The following CRCP variants were observed in gnomAD, a reference collection of about 807,000 sequenced individuals.
The protein encoded by CRCP is DNA-directed RNA polymerase III subunit RPC9.
A neutral mutation model predicts 18.5 loss-of-function variants in CRCP; 18 were observed. The observed-to-expected ratio is 0.97, with a 90% confidence interval of 0.67 to 1.44. The LOEUF (loss-of-function observed/expected upper bound fraction) is 1.44. CRCP is among the 40% of genes most tolerant of loss of function. CRCP has a pLI of 0.00. For missense variants in CRCP, 130 were observed against 176.4 expected, an observed-to-expected ratio of 0.74 and a Z score of 1.49; for synonymous variants, 53 against 62.9, an observed-to-expected ratio of 0.84 and a Z score of 0.75.
At chr7:66,117,371 C>G (rs1388718154) in intron 1 of CRCP, among the ~76,000 whole-genome samples, 2 of 152,046 alleles carry the variant, frequency 1.3e-5, no homozygotes, top group Non-Finnish European at 2.9e-5. Flanking sequence ...GTCCTGGGAC[C>G]CTTTCTCTCC....
intron 5 of CRCP, among the ~76,000 whole-genome samples, chr7:66,151,673 CTGTGTGTGTGTGTGTGTGTGTG>C (rs1223890806): frequency 3.6e-5 from 5 of 138,522 alleles, no homozygotes; most frequent in Non-Finnish European, 6.1e-5. Context: ...CCACTTCTCT[CTGTGTGTGTGTGTGTGTGTGTG>C]TGTGTGTGTG....
At chr7:66,137,423 T>C (rs973913689) in intron 4 of CRCP, among the ~76,000 whole-genome samples, 2 of 152,244 alleles carry the variant, frequency 1.3e-5, no homozygotes, top group Admixed American at 1.3e-4. Flanking sequence ...TTCTTTCTCA[T>C]CTGTATGGCT....
chr7:66,142,115 G>A (rs1276474291), intron 4 of CRCP, among the ~76,000 whole-genome samples: 1 of 152,108 alleles, frequency 6.6e-6, no homozygotes, highest in Non-Finnish European at 1.5e-5. Flanking sequence ...TCTCAGACGG[G>A]AACTGAGAAA....
chr7:66,132,321 CTA>C (rs1356029636), intron 3 of CRCP, among the ~76,000 whole-genome samples: 1 of 152,224 alleles, frequency 6.6e-6, no homozygotes. Context: ...GTCATTCAAT[CTA>C]TATCCTTACT....
At chr7:66,126,237 T>A (rs1427154356) in intron 1 of CRCP, among the ~76,000 whole-genome samples, 1 of 149,236 alleles carries the variant, frequency 6.7e-6, no homozygotes, top group Non-Finnish European at 1.5e-5. Flanking sequence ...TGAACCACTG[T>A]TAGTTTTGCT....
intron 4 of CRCP, among the ~76,000 whole-genome samples, chr7:66,145,232 C>G (rs1490515230): frequency 6.6e-6 from 1 of 152,204 alleles, no homozygotes; most frequent in African/African-American, 2.4e-5. Flanking sequence ...TTCCTACAAT[C>G]ATGCCTCTGA....
chr7:66,141,939 G>C (rs1392125008), intron 4 of CRCP, among the ~76,000 whole-genome samples: 1 of 152,154 alleles, frequency 6.6e-6, no homozygotes, highest in East Asian at 1.9e-4. Flanking sequence ...GCAGTGCTCA[G>C]CTCCTTGGGT....
chr7:66,141,627 A>C (rs971858525), intron 4 of CRCP, among the ~76,000 whole-genome samples: 1 of 152,204 alleles, frequency 6.6e-6, no homozygotes, highest in African/African-American at 2.4e-5. Context: ...AGAAGGTGTC[A>C]TGGAAGCCCC....
intron 4 of CRCP, among the ~76,000 whole-genome samples, chr7:66,140,300 G>T (rs2115996416): frequency 6.6e-6 from 1 of 152,294 alleles, no homozygotes; most frequent in African/African-American, 2.4e-5. Context: ...ATGGTTCTCA[G>T]GTTTTGTTTC....
intron 1 of CRCP, among the ~76,000 whole-genome samples, chr7:66,123,849 G>A (rs1189152889): frequency 4.0e-5 from 6 of 150,018 alleles, no homozygotes; most frequent in African/African-American, 1.2e-4. Context: ...TCAGGAGATC[G>A]AGACCATCCT....
intron 3 of CRCP, among the ~76,000 whole-genome samples, chr7:66,133,541 C>CAAAAA (rs67165211): frequency 1.4e-5 from 1 of 71,806 alleles, no homozygotes; most frequent in Non-Finnish European, 3.1e-5. Flanking sequence ...GACTCCGTCT[C>CAAAAA]AAAAAAAAAA....
intron 2 of CRCP, among the ~76,000 whole-genome samples, chr7:66,129,489 G>A (rs453310): frequency 3.3e-5 from 5 of 151,918 alleles, no homozygotes; most frequent in Admixed American, 6.6e-5. Flanking sequence ...TTTTGAGACC[G>A]TGTCCCCAAA....
At chr7:66,145,408 A>G (rs1307261427) in intron 4 of CRCP, 35 bp from the exon 5 acceptor site, 1 of 1,610,784 alleles carries the variant, frequency 6.2e-7, no homozygotes, top group Admixed American at 1.7e-5. Flanking sequence ...ACTTAGGGCT[A>G]TGCGAGTTGT....
intron 1 of CRCP, 119 bp from the exon 2 acceptor site, chr7:66,127,585 T>A (rs1787653743): frequency 9.1e-7 from 1 of 1,100,626 alleles, no homozygotes; most frequent in Non-Finnish European, 1.4e-6. Flanking sequence ...CAATTTTAGG[T>A]TGTAGTCCCT....
chr7:66,151,685 G>A (rs1398029568), intron 5 of CRCP, among the ~76,000 whole-genome samples: 1 of 141,934 alleles, frequency 7.0e-6, no homozygotes, highest in African/African-American at 2.8e-5. Flanking sequence ...GTGTGTGTGT[G>A]TGTGTGTGTG....
rs1395682047 is a variant in CRCP at position 66,134,234 on chromosome 7, TC to T, written c.145-45del. 4.3e-6 allele frequency: 6 copies of T among 1,380,206 alleles called. No individual in the cohort carries two copies. The African/African-American group carries it at 7.4e-5, about 17-fold the overall frequency. 85.5% of individuals were successfully genotyped at this position (1,380,206 alleles called of 1,614,324 possible). A position where few individuals can be genotyped will look rare whatever the true frequency, so the allele number is the denominator to read the frequency against. ...GCCTTTGTTTTTTCTCATTCAGGGT[TC>T]TTTGTCTTATGCTTGGCTTTTTTCT... On this transcript the variant is annotated intron_variant, in intron 3 of 5. Transcript: ENST00000395326.
chr7:66,118,612 A>G (rs867277069), intron 1 of CRCP, among the ~76,000 whole-genome samples: 9 of 152,334 alleles, frequency 5.9e-5, no homozygotes, highest in Middle Eastern at 3.4e-3. Context: ...CAAAATTCAC[A>G]GATGCTCAAG....
chr7:66,139,233 T>G (rs1243436464), intron 4 of CRCP, among the ~76,000 whole-genome samples: 1 of 152,252 alleles, frequency 6.6e-6, no homozygotes, highest in African/African-American at 2.4e-5. Flanking sequence ...TCTGTTGATC[T>G]GTCTGTATAT....
intron 4 of CRCP, among the ~76,000 whole-genome samples, chr7:66,138,186 C>T (rs410128): frequency 0.1 from 15,815 of 152,006 alleles, 990 homozygotes; most frequent in South Asian, 0.2. Flanking sequence ...TGATCTTTTC[C>T]TTCAGAACTT....
Sources: gnomAD v4.1 joint callset for allele counts (sites outside exome capture counted in the v4.1 genomes callset) on GRCh38, gnomAD v4.1.1 for gene constraint, MANE v1.5 for transcripts, NCBI Gene and HGNC (gene_info 2026-07-23, HGNC 2026-07-21) for gene names.